Variants in GBE1 observed in about 807,000 individuals in gnomAD.
GBE1 encodes 1,4-alpha-glucan-branching enzyme.
A neutral mutation model predicts 88.8 loss-of-function variants in GBE1; 70 were observed. The ratio of observed to expected loss-of-function variants is 0.79; its 90% CI spans 0.65 to 0.96. GBE1 has a LOEUF of 0.96. GBE1 is among the 40% of genes least tolerant of loss of function. The pLI is 0.00. For missense variants in GBE1, 872 were observed against 871.0 expected (o/e 1.00, Z -0.01); for synonymous variants, 284 against 300.1 (o/e 0.95, Z 0.56).
At chr3:81,706,034 G>A (rs973463276) in intron 1 of GBE1, among the ~76,000 whole-genome samples, 66 of 152,204 alleles carry the variant, frequency 4.3e-4, no homozygotes, top group African/African-American at 1.5e-3. Flanking sequence ...TGCAGGGTTT[G>A]GCAAACTTTT....
At chr3:81,564,861 G>A (rs1703470806) in intron 12 of GBE1, among the ~76,000 whole-genome samples, 1 of 152,092 alleles carries the variant, frequency 6.6e-6, no homozygotes, top group South Asian at 2.1e-4. Flanking sequence ...GGATCTCTAT[G>A]TTATACTTTC....
chr3:81,547,899 G>A (rs2106888930), intron 12 of GBE1, among the ~76,000 whole-genome samples: 1 of 151,374 alleles, frequency 6.6e-6, no homozygotes, highest in East Asian at 1.9e-4. Context: ...CCAGAAAACT[G>A]GTCGGTTACA....
intron 7 of GBE1, among the ~76,000 whole-genome samples, chr3:81,621,720 T>G (rs1453546910): frequency 6.6e-6 from 1 of 152,178 alleles, no homozygotes; most frequent in African/African-American, 2.4e-5. Flanking sequence ...TCCACCTTAG[T>G]TGAATTTGAT....
intron 12 of GBE1, among the ~76,000 whole-genome samples, chr3:81,541,941 T>G (rs904273457): frequency 2.6e-5 from 4 of 152,108 alleles, no homozygotes; most frequent in Non-Finnish European, 4.4e-5. Flanking sequence ...ATTTATTAAT[T>G]TATTAAGTAA....
At chr3:81,575,129 C>T (rs1399715133) in intron 12 of GBE1, among the ~76,000 whole-genome samples, 4 of 148,590 alleles carry the variant, frequency 2.7e-5, no homozygotes, top group African/African-American at 7.4e-5. Context: ...TGCATCACGG[C>T]ACTCCAGCCT....
intron 7 of GBE1, among the ~76,000 whole-genome samples, chr3:81,619,213 G>A (rs1704291826): frequency 6.6e-6 from 1 of 151,974 alleles, no homozygotes; most frequent in South Asian, 2.1e-4. Flanking sequence ...AACTATGCAT[G>A]TAGTATTCAT....
intron 2 of GBE1, among the ~76,000 whole-genome samples, chr3:81,692,963 C>T (rs1705542867): frequency 6.6e-6 from 1 of 152,132 alleles, no homozygotes; most frequent in Non-Finnish European, 1.5e-5. Context: ...GGAATGAATG[C>T]TTTGCTATGA....
At chr3:81,734,038 A>C (rs972260957) in intron 1 of GBE1, among the ~76,000 whole-genome samples, 2 of 152,198 alleles carry the variant, frequency 1.3e-5, no homozygotes, top group African/African-American at 4.8e-5. Context: ...TAAGAGCATT[A>C]GGTATAATCA....
chr3:81,505,937 A>G (rs1384469946), intron 14 of GBE1, among the ~76,000 whole-genome samples: 3 of 152,154 alleles, frequency 2.0e-5, no homozygotes, highest in African/African-American at 7.2e-5. Flanking sequence ...AAGATGGATT[A>G]AAGACTTAAA....
At chr3:81,527,489 T>C (rs1370757461) in intron 14 of GBE1, among the ~76,000 whole-genome samples, 1 of 152,054 alleles carries the variant, frequency 6.6e-6, no homozygotes, top group Non-Finnish European at 1.5e-5. Context: ...AGGGCTAATA[T>C]CCAGAATCTA....
chr3:81,692,373 C>T (rs1354139917), intron 2 of GBE1, among the ~76,000 whole-genome samples: 1 of 152,170 alleles, frequency 6.6e-6, no homozygotes, highest in African/African-American at 2.4e-5. Context: ...TCAATAACTT[C>T]ATGCTTCATA....
chr3:81,605,497 C>A (rs753504608), intron 7 of GBE1, among the ~76,000 whole-genome samples: 10 of 152,198 alleles, frequency 6.6e-5, no homozygotes, highest in Middle Eastern at 6.8e-3. Context: ...CATAACAGTG[C>A]ATATTTATGA....
intron 7 of GBE1, among the ~76,000 whole-genome samples, chr3:81,638,656 A>G (rs943009946): frequency 2.0e-5 from 3 of 152,200 alleles, no homozygotes; most frequent in Non-Finnish European, 4.4e-5. Context: ...TAGCAAAGCT[A>G]GAAGGCAGTT....
rs147604710 is a variant in GBE1 at position 81,726,875 on chromosome 3, C to T, written c.144-21262G>A. Among the ~76,000 whole-genome samples, 628 of 152,180 alleles carry T rather than the reference C, an allele frequency of 4.1e-3. 9 individuals carry two copies. The highest frequency in any genetic ancestry group is 0.014 in the Middle Eastern group (4 of 294). On this transcript the variant is annotated intron_variant, in intron 1 of 15. Transcript: ENST00000429644. ...GATTATAGGCGTGAGCCACCGTGCC[C>T]GGCTGATATTGCAGACTTCTTTTTA...
chr3:81,759,672 G>A (rs1706652777), intron 1 of GBE1, among the ~76,000 whole-genome samples: 1 of 152,196 alleles, frequency 6.6e-6, no homozygotes, highest in South Asian at 2.1e-4. Context: ...CACTGGACGA[G>A]ACTTTTCACC....
intron 2 of GBE1, among the ~76,000 whole-genome samples, chr3:81,702,102 AGTGT>A (rs571028865): frequency 0.018 from 2,042 of 114,804 alleles, 31 homozygotes; most frequent in East Asian, 0.044. Flanking sequence ...AGAGAGAGAG[AGTGT>A]GTGTGTGTGT....
At chr3:81,529,627 G>A (rs1020736509) in intron 14 of GBE1, among the ~76,000 whole-genome samples, 3 of 151,984 alleles carry the variant, frequency 2.0e-5, no homozygotes, top group Non-Finnish European at 4.4e-5. Context: ...CTTTAAGTAC[G>A]CCATGCCACT....
At chr3:81,613,046 G>T (rs187381720) in intron 7 of GBE1, 86 of 667,946 alleles carry the variant, frequency 1.3e-4, no homozygotes, top group Admixed American at 7.7e-4. Flanking sequence ...ATGAAGGGGA[G>T]GAAAGAGAGG....
At chr3:81,585,527 C>T (rs1323840959) in intron 10 of GBE1, among the ~76,000 whole-genome samples, 1 of 151,110 alleles carries the variant, frequency 6.6e-6, no homozygotes, top group African/African-American at 2.4e-5. Flanking sequence ...AAACAAAAAA[C>T]ACCAAACTAC....
Sources: gnomAD v4.1 joint callset for allele counts (sites outside exome capture counted in the v4.1 genomes callset) on GRCh38, gnomAD v4.1.1 for gene constraint, MANE v1.5 for transcripts, NCBI Gene and HGNC (gene_info 2026-07-23, HGNC 2026-07-21) for gene names.